The following VPS13C variants were observed in gnomAD, a reference collection of about 807,000 sequenced individuals.
VPS13C encodes vacuolar protein sorting 13 homolog C.
In VPS13C, 358 loss-of-function variants were observed where a neutral mutation model predicts 456.8. The ratio of observed to expected loss-of-function variants is 0.78; its 90% CI spans 0.72 to 0.86. VPS13C has a LOEUF of 0.86. Among genes scored for constraint, VPS13C ranks in the 40% least tolerant of loss-of-function variants. The probability of loss-of-function intolerance (pLI) is 0.00; values close to 1 mark genes in which losing one functional copy is unlikely to be tolerated. For synonymous variants in VPS13C, 1,578 were observed against 1,486.7 expected (o/e 1.06, Z -1.41); for missense variants, 4,818 against 4,385.4 (o/e 1.10, Z -2.79).
intron 4 of VPS13C, among the ~76,000 whole-genome samples, chr15:62,034,576 A>C (rs1432564010): frequency 2.0e-5 from 3 of 151,818 alleles, no homozygotes; most frequent in Non-Finnish European, 4.4e-5. Flanking sequence ...AAATAGGAAA[A>C]AAAATAAATT....
intron 66 of VPS13C, 75 bp downstream of exon 66, chr15:61,907,189 A>C (rs774499007): frequency 6.3e-7 from 1 of 1,596,006 alleles, no homozygotes; most frequent in African/African-American, 1.3e-5. Flanking sequence ...TAGGACAAGG[A>C]GTCAGTGAAG....
At chr15:61,925,592 T>C (rs959091714) in intron 52 of VPS13C, 44 bp from the exon 53 acceptor site, 1 of 1,327,174 alleles carries the variant, frequency 7.5e-7, no homozygotes, top group Non-Finnish European at 1.0e-6. Flanking sequence ...AGATCCATTA[T>C]ATACATAACA....
intron 83 of VPS13C, 63 bp from the exon 84 acceptor site, chr15:61,855,017 T>C: frequency 7.5e-7 from 1 of 1,325,422 alleles, no homozygotes; most frequent in East Asian, 2.4e-5. Flanking sequence ...ATTCCTAACT[T>C]TTAATTGTAT....
intron 69 of VPS13C, 59 bp downstream of exon 69, chr15:61,882,537 T>A: frequency 7.1e-7 from 1 of 1,407,100 alleles, no homozygotes; most frequent in Non-Finnish European, 9.3e-7. Flanking sequence ...AAAAAAGAAA[T>A]TTCATTCCCA....
At position 61,927,119 on chromosome 15, in the gene VPS13C, C is replaced by T. The variant is rs750815704; in HGVS notation, c.6488G>A (p.Arg2163Lys). 19 of 1,614,046 alleles carry T rather than the reference C, an allele frequency of 1.2e-5. No individual in the cohort carries two copies. Among genetic ancestry groups the T allele is most frequent in the Admixed American group, 1.7e-5 (1 of 60,002 alleles). Residue 2163 changes from arginine (R) to lysine (K), a missense_variant, in exon 52 of 85, where the codon AGA (arginine) becomes AAA (lysine). Physicochemically the swap from Arg to Lys is conservative, Grantham distance 26. Coordinates refer to ENST00000644861, the MANE Select transcript of VPS13C (RefSeq NM_020821.3). ...DLKVLACPFL[R>K]EKRGKNITTV... ...GGTAATGTTTTTCCCTCTCTTTTCT[C>T]TGAGAAAAGGGCAAGCGAGCACTTT...
chr15:61,862,261 T>C (rs1341477514), intron 82 of VPS13C, among the ~76,000 whole-genome samples: 1 of 152,196 alleles, frequency 6.6e-6, no homozygotes. Flanking sequence ...TAGTATTTAC[T>C]GGTCAGGTAT....
chr15:62,009,158 T>A (rs1250710047), intron 13 of VPS13C, among the ~76,000 whole-genome samples: 6 of 152,166 alleles, frequency 3.9e-5, no homozygotes, highest in Non-Finnish European at 7.4e-5. Flanking sequence ...AGACTATATA[T>A]TTTTCCTCTG....
intron 16 of VPS13C, among the ~76,000 whole-genome samples, chr15:61,998,954 C>A (rs1235193810): frequency 6.6e-6 from 1 of 152,172 alleles, no homozygotes; most frequent in Non-Finnish European, 1.5e-5. Flanking sequence ...TTTCTTTTCT[C>A]TGGCTTACTT....
chr15:61,951,285 A>G (rs2044783427), intron 39 of VPS13C, among the ~76,000 whole-genome samples: 1 of 152,110 alleles, frequency 6.6e-6, no homozygotes, highest in Admixed American at 6.5e-5. Flanking sequence ...ACTCTCATCT[A>G]AACAAATCAT....
At chr15:61,958,005 T>G (rs936529486) in intron 37 of VPS13C, among the ~76,000 whole-genome samples, 1 of 151,986 alleles carries the variant, frequency 6.6e-6, no homozygotes, top group African/African-American at 2.4e-5. Context: ...TACCATTTGT[T>G]TGAAAAAAAC....
In VPS13C at chr15:61,946,355, A is replaced by C. The variant is rs771823946; in HGVS notation, c.4932T>G (p.Leu1644=). 1 of 1,609,886 alleles carries C rather than the reference A, an allele frequency of 6.2e-7. No individual in the cohort carries two copies. The highest frequency in any genetic ancestry group is 8.5e-7 in the Non-Finnish European group (1 of 1,178,228). The part of the protein sequence containing the change: ...KPKQTDVFAR[L]KDIIVMNVDL... ...CTACATTCATAACTATAATATCTTT[A>C]AGTCTGGCAAACACATCAGTCTGCT... Residue 1644 remains leucine, a synonymous_variant, in exon 44 of 85, where the codon CTT becomes CTG. Transcript: ENST00000644861.
intron 52 of VPS13C, among the ~76,000 whole-genome samples, chr15:61,926,748 A>C (rs2043863711): frequency 6.6e-6 from 1 of 152,220 alleles, no homozygotes; most frequent in Admixed American, 6.5e-5. Flanking sequence ...AATTTTTTTC[A>C]TTCTAAGCCT....
intron 1 of VPS13C, among the ~76,000 whole-genome samples, chr15:62,049,852 C>G (rs1596536637): frequency 1.3e-5 from 2 of 152,106 alleles, no homozygotes; most frequent in African/African-American, 4.8e-5. Flanking sequence ...GTATTTTATT[C>G]TCTTTGAAGC....
rs967511654 is a variant in VPS13C, at chr15:61,862,081, C to T, written c.10952+1359G>A. On this transcript the variant is annotated intron_variant, in intron 82 of 84. Transcript: ENST00000644861. ...CATCACTGGACTCCAGCCTGGGTGACGGAGTGAGACCCTGTCTCAAAAAAA... is the reference window on the plus strand; with the variant it reads ...CATCACTGGACTCCAGCCTGGGTGATGGAGTGAGACCCTGTCTCAAAAAAA... Among the ~76,000 whole-genome samples, 5 of 149,044 alleles carry T rather than the reference C, an allele frequency of 3.4e-5. No homozygotes were observed. The East Asian group carries it at 7.9e-4, about 23-fold the overall frequency.
At chr15:61,857,429 T>C (rs946963072) in intron 82 of VPS13C, among the ~76,000 whole-genome samples, 2 of 151,894 alleles carry the variant, frequency 1.3e-5, no homozygotes, top group Non-Finnish European at 2.9e-5. Context: ...CACTGACATA[T>C]AAAGGAGTAC....
chr15:61,972,998 C>A (rs1015507047), intron 26 of VPS13C, among the ~76,000 whole-genome samples: 2 of 152,086 alleles, frequency 1.3e-5, no homozygotes, highest in African/African-American at 4.8e-5. Flanking sequence ...CTGTTTTTCC[C>A]TATAGTTCAT....
chr15:62,000,741 AAGTATT>A (rs2046583505), intron 15 of VPS13C, 115 bp from the exon 16 acceptor site: 2 of 720,434 alleles, frequency 2.8e-6, no homozygotes, highest in East Asian at 6.4e-5. Context: ...GACCTAATGA[AAGTATT>A]AGTATAAATT....
chr15:62,007,707 C>G (rs1441904915), intron 14 of VPS13C, among the ~76,000 whole-genome samples: 1 of 152,168 alleles, frequency 6.6e-6, no homozygotes. Context: ...AGGCACAAAA[C>G]GACATGTGGG....
chr15:62,035,496 C>T (rs1309573688), intron 3 of VPS13C, among the ~76,000 whole-genome samples: 2 of 151,902 alleles, frequency 1.3e-5, no homozygotes, highest in Non-Finnish European at 2.9e-5. Context: ...ACATGCTCTT[C>T]TATCCACATC....
Sources: gnomAD v4.1 joint callset for allele counts (sites outside exome capture counted in the v4.1 genomes callset) on GRCh38, gnomAD v4.1.1 for gene constraint, MANE v1.5 for transcripts, NCBI Gene and HGNC (gene_info 2026-07-23, HGNC 2026-07-21) for gene names.